CEACAM5: variants seen among roughly 807,000 people sequenced by gnomAD.
CEACAM5 encodes the protein cell adhesion molecule CEACAM5.
CEACAM5 carries 52 observed loss-of-function variants against 63.0 expected under a neutral mutation model. The observed-to-expected ratio is 0.83, with a 90% confidence interval of 0.66 to 1.04. The LOEUF is 1.04. Among genes scored for constraint, CEACAM5 ranks in the 50% least tolerant of loss-of-function variants. The pLI is 0.00. For missense variants in CEACAM5, 790 were observed against 864.8 expected (o/e 0.91, Z 1.08); for synonymous variants, 357 against 351.3 (o/e 1.02, Z -0.18).
chr19:41,714,576 G>T (rs1171158831), intron 2 of CEACAM5, among the ~76,000 whole-genome samples: 1 of 152,158 alleles, frequency 6.6e-6, no homozygotes, highest in Non-Finnish European at 1.5e-5. Flanking sequence ...AATATACCTA[G>T]GGAAACAAAG....
chr19:41,714,867 G>T, intron 2 of CEACAM5, 104 bp from the exon 3 acceptor site: 1 of 1,570,796 alleles, frequency 6.4e-7, no homozygotes, highest in Non-Finnish European at 8.6e-7. Flanking sequence ...GTTTTTAAGG[G>T]CTCAGGTGGG....
Position 41,718,303 on chromosome 19 carries a change from C to T in CEACAM5, c.1413C>T (p.Asn471=). 1 of 1,614,192 alleles carries T rather than the reference C, an allele frequency of 6.2e-7. No homozygotes were observed. Among genetic ancestry groups the T allele is most frequent in the Non-Finnish European group, 8.5e-7 (1 of 1,180,028 alleles). Residue 471 remains asparagine, a synonymous_variant, in exon 6 of 10, where the codon AAC becomes AAT. Coordinates refer to ENST00000221992, the MANE Select transcript of CEACAM5 (RefSeq NM_004363.6). ...ELFISNITEK[N]SGLYTCQANN... The stretch of plus-strand genomic sequence containing the variant: ...TTATCTCCAACATCACTGAGAAGAA[C>T]AGCGGACTCTATACCTGCCAGGCCA...
At chr19:41,711,673 A>G (rs1194461960) in intron 2 of CEACAM5, among the ~76,000 whole-genome samples, 1 of 152,098 alleles carries the variant, frequency 6.6e-6, no homozygotes, top group Non-Finnish European at 1.5e-5. Flanking sequence ...GGGGTCTCCG[A>G]GGTCACTATA....
In CEACAM5 at chr19:41,722,288, T is replaced by C. The variant is rs2072633806; in HGVS notation, c.2026+1112T>C. Among the ~76,000 whole-genome samples, 3 of 138,964 alleles carry C rather than the reference T, an allele frequency of 2.2e-5. No individual in the cohort carries two copies. In the Admixed American group the frequency reaches 2.4e-4, roughly 11 times the overall value. The allele number at this position is 138,964 out of a possible 152,430, so 91.2% of individuals were successfully genotyped here. On this transcript the variant is annotated intron_variant, in intron 8 of 9. Transcript: ENST00000221992. ...CTGAGGCAGGAGAATCGCTCGAACC[T>C]GGGCGGTGTAGTTTGCAGTGAGCCG...
intron 8 of CEACAM5, among the ~76,000 whole-genome samples, chr19:41,723,178 C>T (rs1190818215): frequency 2.0e-5 from 3 of 152,068 alleles, no homozygotes; most frequent in African/African-American, 7.2e-5. Context: ...TCCCAAAGTG[C>T]TGGGATTACA....
intron 8 of CEACAM5, among the ~76,000 whole-genome samples, chr19:41,726,474 AAGTT>A (rs1316944392): frequency 1.3e-5 from 2 of 152,250 alleles, no homozygotes; most frequent in African/African-American, 4.8e-5. Flanking sequence ...AGAGAAAAAA[AAGTT>A]AAGTGCAAAG....
In CEACAM5 at chr19:41,721,184, GC is replaced by G. The variant is rs782763505; in HGVS notation, c.2026+9del. 2 of 1,613,884 alleles carry G rather than the reference GC, an allele frequency of 1.2e-6. No homozygotes were observed. Among genetic ancestry groups the G allele is most frequent in the South Asian group, 2.2e-5 (2 of 91,084 alleles). On this transcript the variant is annotated intron_variant, in intron 8 of 9. Coordinates refer to ENST00000221992, the MANE Select transcript of CEACAM5 (RefSeq NM_004363.6). The stretch of plus-strand genomic sequence containing the variant: ...AGAGCATCACAGTCTCTGGTAAGTG[GC>G]TCCCTGGAGCATCAGCATCATATTC...
intron 3 of CEACAM5, 159 bp from the exon 4 acceptor site, chr19:41,715,491 G>GTGAATATC (rs2072510465): frequency 8.7e-7 from 1 of 1,150,158 alleles, no homozygotes; most frequent in South Asian, 1.3e-5. Context: ...GGAGAAACAG[G>GTGAATATC]TGAATATCTC....
intron 2 of CEACAM5, among the ~76,000 whole-genome samples, chr19:41,712,936 C>A (rs995893298): frequency 2.0e-5 from 3 of 152,162 alleles, no homozygotes; most frequent in African/African-American, 7.2e-5. Context: ...GATTGAGTAT[C>A]CCAAATCCTA....
At chr19:41,725,312 A>G (rs1410340336) in intron 8 of CEACAM5, among the ~76,000 whole-genome samples, 1 of 150,114 alleles carries the variant, frequency 6.7e-6, no homozygotes, top group African/African-American at 2.4e-5. Flanking sequence ...GTAGTCCTTA[A>G]TATTTCTGTA....
chr19:41,709,664 C>G lies in CEACAM5; in HGVS notation c.65-16C>G, dbSNP rs1238775151. 1.1e-5 allele frequency: 18 copies of G among 1,608,120 alleles called. No individual in the cohort carries two copies. The highest frequency in any genetic ancestry group is 1.4e-5 in the Non-Finnish European group (16 of 1,176,614). On this transcript the variant is annotated splice_polypyrimidine_tract_variant and intron_variant, in intron 1 of 9. Coordinates refer to ENST00000221992, the MANE Select transcript of CEACAM5 (RefSeq NM_004363.6). The stretch of plus-strand genomic sequence containing the variant: ...ATAGGTCCCAATATTGACCGATGCT[C>G]TCTGCTCTCTCCTAGCCTCACTTCT...
rs2072404721 is a variant in CEACAM5 at position 41,709,796 on chromosome 19, C to A, written c.181C>A (p.His61Asn). 1 of 1,614,068 alleles carries A rather than the reference C, an allele frequency of 6.2e-7. No individual in the cohort carries two copies. Among genetic ancestry groups the A allele is most frequent in the South Asian group, 1.1e-5 (1 of 91,082 alleles). The change falls in exon 2 of 10, where the codon CAT (histidine) becomes AAT (asparagine). Residue 61 changes from histidine (H) to asparagine (N), a missense_variant. Transcript: ENST00000221992. ...TCTACTTGTCCACAATCTGCCCCAG[C>A]ATCTTTTTGGCTACAGCTGGTACAA... is the stretch of plus-strand genomic sequence containing the variant. The part of the protein sequence containing the change: ...VLLLVHNLPQ[H>N]LFGYSWYKGE...
chr19:41,717,675 T>C lies in CEACAM5; in HGVS notation c.1179T>C (p.Cys393=), dbSNP rs1442658841. 6.2e-7 allele frequency: 1 copy of C among 1,614,094 alleles called. No homozygotes were observed. The highest frequency in any genetic ancestry group is 8.5e-7 in the Non-Finnish European group (1 of 1,180,042). Residue 393 remains cysteine, a synonymous_variant, in exon 5 of 10, where the codon TGT becomes TGC. Transcript: ENST00000221992. The stretch of plus-strand genomic sequence containing the variant: ...GGAATGATGTAGGACCCTATGAGTG[T>C]GGAATCCAGAACGAATTAAGTGTTG... The part of the protein sequence containing the change: ...VTRNDVGPYE[C]GIQNELSVDH...
chr19:41,720,805 G>A (rs2072607314), intron 7 of CEACAM5, 117 bp from the exon 8 acceptor site: 2 of 1,376,700 alleles, frequency 1.5e-6, no homozygotes, highest in Middle Eastern at 2.6e-4. Flanking sequence ...CGGCCGATTT[G>A]GACTTTTTAA....
rs2072741423 is a variant in CEACAM5 at position 41,729,269 on chromosome 19, T to A, written c.*122T>A. 6.6e-6 allele frequency: 1 copy of A among 152,100 alleles called. No individual in the cohort carries two copies. The highest frequency in any genetic ancestry group is 2.4e-5 in the African/African-American group (1 of 41,402). 9.4% of individuals were successfully genotyped at this position (152,100 alleles called of 1,614,324 possible). A position where few individuals can be genotyped will look rare whatever the true frequency, so the allele number is the denominator to read the frequency against. On this transcript the variant is annotated 3_prime_UTR_variant, in exon 10 of 10. Transcript: ENST00000221992. ...TACCAAGGATATTTACAGAAAAGACTCTGACCAGAGATCGAGACCATCCTA... is the reference window on the plus strand; with the variant it reads ...TACCAAGGATATTTACAGAAAAGACACTGACCAGAGATCGAGACCATCCTA...
chr19:41,718,130 G>A lies in CEACAM5; in HGVS notation c.1240G>A (p.Gly414Ser). ...TGGCCCTATTCTCTTTGCTCCAGATGGCCCAGACGACCCCACCATTTCCCC... is the reference window on the plus strand; with the variant it reads ...TGGCCCTATTCTCTTTGCTCCAGATAGCCCAGACGACCCCACCATTTCCCC... ...SDPVILNVLYGPDDPTISPSY... is the reference protein window; with the variant it reads ...SDPVILNVLYSPDDPTISPSY... Residue 414 changes from glycine (G) to serine (S), a missense_variant and splice_region_variant, in exon 6 of 10, where the codon GGC (glycine) becomes AGC (serine). By Grantham distance (56) the Gly-to-Ser change is moderately conservative. Transcript: ENST00000221992. 6.2e-7 allele frequency: 1 copy of A among 1,614,086 alleles called. No individual in the cohort carries two copies. The highest frequency in any genetic ancestry group is 1.1e-5 in the South Asian group (1 of 91,070).
chr19:41,726,544 G>A (rs1399879212), intron 8 of CEACAM5, among the ~76,000 whole-genome samples: 1 of 152,226 alleles, frequency 6.6e-6, no homozygotes, highest in African/African-American at 2.4e-5. Flanking sequence ...GATGGAATTA[G>A]AGGTGCAAGA....
chr19:41,711,964 T>C (rs1437940893), intron 2 of CEACAM5, among the ~76,000 whole-genome samples: 1 of 152,090 alleles, frequency 6.6e-6, no homozygotes, highest in Non-Finnish European at 1.5e-5. Flanking sequence ...CACAAGCCAA[T>C]GTCAACAGGT....
chr19:41,726,400 A>T lies in CEACAM5; in HGVS notation c.2027-834A>T, dbSNP rs78377604. ...TAGCATTAATCATCAGCCTGAGTTG[A>T]CTAGTGAGAGCCAAGCCCCAAATGA... On this transcript the variant is annotated intron_variant, in intron 8 of 9. Transcript: ENST00000221992. 9.6e-3 allele frequency among the ~76,000 whole-genome samples: 1,455 copies of T among 152,332 alleles called. 23 individuals are homozygous for T. The highest frequency in any genetic ancestry group is 0.034 in the African/African-American group (1,409 of 41,554).
Sources: allele counts gnomAD v4.1 joint callset (sites outside exome capture counted in the v4.1 genomes callset), GRCh38; gene constraint gnomAD v4.1.1; transcripts MANE v1.5; gene names NCBI Gene and HGNC (gene_info 2026-07-23, HGNC 2026-07-21).